GK: variants seen among roughly 807,000 people sequenced by gnomAD.
GK encodes the protein glycerol kinase, also known as ATP:glycerol 3-phosphotransferase.
Under a neutral mutation model 56.4 loss-of-function variants are expected in GK, and 9 were observed. That is an observed-to-expected ratio of 0.16 (90% CI 0.10 to 0.28). The LOEUF is 0.28. GK is among the 10% of genes least tolerant of loss of function. The probability of loss-of-function intolerance (pLI) is 1.00; values close to 1 mark genes in which losing one functional copy is unlikely to be tolerated. For synonymous variants in GK, 104 were observed against 144.1 expected (o/e 0.72, Z 1.99); for missense variants, 161 against 431.4 (o/e 0.37, Z 5.55).
chrX:30,698,807 G>C (rs1482370506), intron 9 of GK, among the ~76,000 whole-genome samples: 3 of 99,721 alleles, frequency 3.0e-5, no homozygotes, highest in African/African-American at 1.1e-4. Flanking sequence ...CGGAGGTTGT[G>C]GTGAGCCGAG....
At chrX:30,700,238 T>C in intron 9 of GK, 176 bp from the exon 10 acceptor site, 1 of 418,546 alleles carries the variant, frequency 2.4e-6, no homozygotes, top group Non-Finnish European at 4.2e-6. Context: ...CTTCCTGTCA[T>C]TCTAGGAATA....
At chrX:30,702,440 A>G (rs1356492398) in intron 11 of GK, among the ~76,000 whole-genome samples, 1 of 113,131 alleles carries the variant, frequency 8.8e-6, no homozygotes, top group Admixed American at 9.3e-5. Context: ...ACTAACAATT[A>G]TAACACAAGC....
chrX:30,688,411 GAA>G (rs1934735830), intron 4 of GK, among the ~76,000 whole-genome samples: 1 of 103,132 alleles, frequency 9.7e-6, no homozygotes, highest in African/African-American at 3.6e-5. Context: ...TTGAAAAGAT[GAA>G]AAGAGTTTCT....
intron 1 of GK, among the ~76,000 whole-genome samples, chrX:30,661,499 A>G (rs1005335395): frequency 2.0e-5 from 2 of 101,520 alleles, no homozygotes; most frequent in African/African-American, 3.5e-5. Context: ...GCCTCCCTCT[A>G]ATCCTTTCTC....
intron 1 of GK, among the ~76,000 whole-genome samples, chrX:30,662,637 GTT>G (rs1247141401): frequency 9.0e-6 from 1 of 111,209 alleles, no homozygotes; most frequent in Non-Finnish European, 1.9e-5. Context: ...TGCTATTGAG[GTT>G]TTTATGAATT....
intron 2 of GK, among the ~76,000 whole-genome samples, chrX:30,666,125 C>T (rs1933063717): frequency 9.0e-6 from 1 of 111,632 alleles, no homozygotes; most frequent in African/African-American, 3.3e-5. Context: ...CATACACCTG[C>T]AGCATTTCAC....
At chrX:30,713,322 C>A (rs940870494) in intron 13 of GK, among the ~76,000 whole-genome samples, 1 of 111,929 alleles carries the variant, frequency 8.9e-6, no homozygotes, top group Admixed American at 9.5e-5. Flanking sequence ...CAGAAGCCAT[C>A]ATGCTTGTGG....
chrX:30,658,816 A>G (rs753845199), intron 1 of GK, among the ~76,000 whole-genome samples: 3 of 112,199 alleles, frequency 2.7e-5, no homozygotes, highest in African/African-American at 6.5e-5. Flanking sequence ...TTTCTTCCCC[A>G]AAGCCTGACA....
chrX:30,716,510 G>T (rs904617080), intron 13 of GK, among the ~76,000 whole-genome samples: 1 of 111,253 alleles, frequency 9.0e-6, no homozygotes, highest in African/African-American at 3.3e-5. Context: ...AATACATTGG[G>T]TTAAATAAAA....
intron 11 of GK, 141 bp downstream of exon 11, chrX:30,701,046 A>C: frequency 2.1e-6 from 1 of 484,377 alleles, no homozygotes; most frequent in East Asian, 3.8e-5. Flanking sequence ...TACACTTTTT[A>C]CCATTTTTTT....
At chrX:30,654,872 C>G (rs1320330196) in intron 1 of GK, among the ~76,000 whole-genome samples, 2 of 112,624 alleles carry the variant, frequency 1.8e-5, no homozygotes, top group South Asian at 3.6e-4. Flanking sequence ...TAGCTCTTCA[C>G]TTTACCGCAA....
At chrX:30,662,759 TTCCTTCCTTC>T (rs1209009701) in intron 1 of GK, among the ~76,000 whole-genome samples, 1 of 98,606 alleles carries the variant, frequency 1.0e-5, no homozygotes, top group African/African-American at 4.0e-5. Flanking sequence ...CCTTCCTTCC[TTCCTTCCTTC>T]TCTCTCTCTC....
intron 5 of GK, 149 bp downstream of exon 5, chrX:30,691,348 G>A (rs1934917775): frequency 2.4e-6 from 1 of 412,189 alleles, no homozygotes; most frequent in Non-Finnish European, 4.3e-6. Flanking sequence ...GCCAACTCAA[G>A]TCTTTACCTT....
chrX:30,684,852 T>G (rs959904141), intron 4 of GK, among the ~76,000 whole-genome samples: 4 of 111,669 alleles, frequency 3.6e-5, no homozygotes, highest in Non-Finnish European at 5.6e-5. Flanking sequence ...GATGTTATAT[T>G]TAAAGTTCCC....
intron 18 of GK, among the ~76,000 whole-genome samples, chrX:30,723,320 G>A (rs781175042): frequency 2.8e-5 from 3 of 108,938 alleles, no homozygotes; most frequent in Non-Finnish European, 3.8e-5. Context: ...GCGTGAACCC[G>A]GGAGGCAGAG....
At chrX:30,670,155 A>G (rs981158634) in intron 3 of GK, among the ~76,000 whole-genome samples, 9 of 111,957 alleles carry the variant, frequency 8.0e-5, no homozygotes, top group Non-Finnish European at 1.9e-5. Context: ...CAGTCTAAAC[A>G]GTGCAAACAA....
intron 9 of GK, among the ~76,000 whole-genome samples, chrX:30,698,712 A>AAAAAAT (rs1881813525): frequency 9.4e-6 from 1 of 106,345 alleles, no homozygotes; most frequent in South Asian, 4.3e-4. Context: ...AAAAAAAAAA[A>AAAAAAT]AAAATTAGCC....
At chrX:30,697,826 G>A (rs372838518) in intron 9 of GK, 77 bp downstream of exon 9, 586 of 712,999 alleles carry the variant, frequency 8.2e-4, no homozygotes, top group Non-Finnish European at 1.2e-3. Flanking sequence ...TTTTAGACAA[G>A]CAGAAGTCCA....
chrX:30,658,313 C>A (rs1014590850), intron 1 of GK, among the ~76,000 whole-genome samples: 1 of 110,527 alleles, frequency 9.0e-6, no homozygotes, highest in East Asian at 2.8e-4. Context: ...AGTTGTGATT[C>A]TTTTTGTTTT....
Sources: allele counts gnomAD v4.1 joint callset (sites outside exome capture counted in the v4.1 genomes callset), GRCh38; gene constraint gnomAD v4.1.1; transcripts MANE v1.5; gene names NCBI Gene and HGNC (gene_info 2026-07-23, HGNC 2026-07-21).